KPNA1: variants seen among roughly 807,000 people sequenced by gnomAD.
KPNA1 encodes karyopherin subunit alpha 1, also known as importin subunit alpha-5.
In KPNA1, 10 loss-of-function variants were observed where a neutral mutation model predicts 70.5. The observed-to-expected ratio is 0.14, with a 90% confidence interval of 0.09 to 0.24. KPNA1 has a LOEUF of 0.24. Among genes scored for constraint, KPNA1 ranks in the 10% least tolerant of loss-of-function variants. The pLI, the probability that KPNA1 is intolerant of heterozygous loss-of-function variation, is 1.00. For synonymous variants in KPNA1, 192 were observed against 221.9 expected, an observed-to-expected ratio of 0.87 and a Z score of 1.20; for missense variants, 397 against 637.9, an observed-to-expected ratio of 0.62 and a Z score of 4.07.
intron 2 of KPNA1, among the ~76,000 whole-genome samples, chr3:122,481,100 A>G (rs532579224): frequency 6.6e-6 from 1 of 152,372 alleles, no homozygotes; most frequent in East Asian, 1.9e-4. Context: ...CAGTTCCACA[A>G]AATATTAAAT....
intron 5 of KPNA1, chr3:122,460,071 C>A: frequency 1.0e-6 from 1 of 985,322 alleles, no homozygotes; most frequent in Non-Finnish European, 1.2e-6. Context: ...GAAAGATAAT[C>A]CCATTTTGTG....
chr3:122,436,540 C>T (rs553696815), intron 11 of KPNA1, among the ~76,000 whole-genome samples: 3 of 152,246 alleles, frequency 2.0e-5, no homozygotes, highest in African/African-American at 2.4e-5. Context: ...TTTCTCAGAC[C>T]GGCCGACACT....
intron 1 of KPNA1, among the ~76,000 whole-genome samples, chr3:122,500,509 T>C (rs571884311): frequency 1.3e-4 from 19 of 150,772 alleles, no homozygotes; most frequent in East Asian, 3.9e-4. Flanking sequence ...ATTTTTTTTT[T>C]CCCCCAGATA....
intron 2 of KPNA1, among the ~76,000 whole-genome samples, chr3:122,470,384 C>T (rs1437447671): frequency 2.0e-5 from 3 of 151,764 alleles, no homozygotes; most frequent in South Asian, 2.1e-4. Flanking sequence ...TGGCAGCGGG[C>T]GCCTGTAGTC....
chr3:122,514,207 G>A (rs1196727083), intron 1 of KPNA1, among the ~76,000 whole-genome samples: 3 of 151,914 alleles, frequency 2.0e-5, no homozygotes. Flanking sequence ...GCAGCCGGCC[G>A]TCTCCACCCC....
At chr3:122,450,718 A>G (rs1482640193) in intron 8 of KPNA1, among the ~76,000 whole-genome samples, 5 of 152,240 alleles carry the variant, frequency 3.3e-5, no homozygotes, top group Admixed American at 6.5e-5. Context: ...AACTAAAAGT[A>G]TATCTACCAT....
intron 10 of KPNA1, among the ~76,000 whole-genome samples, chr3:122,441,526 G>T (rs72958418): frequency 2.0e-5 from 3 of 151,948 alleles, no homozygotes; most frequent in Non-Finnish European, 2.9e-5. Context: ...CACTATCATA[G>T]GACAACCCCA....
At chr3:122,450,590 C>CA (rs968708711) in intron 8 of KPNA1, among the ~76,000 whole-genome samples, 4 of 151,648 alleles carry the variant, frequency 2.6e-5, no homozygotes, top group Admixed American at 2.6e-4. Flanking sequence ...CTCAAAAAAC[C>CA]AAAAAACAAA....
At chr3:122,485,690 C>T (rs1188200892) in intron 2 of KPNA1, among the ~76,000 whole-genome samples, 4 of 151,456 alleles carry the variant, frequency 2.6e-5, no homozygotes, top group African/African-American at 4.9e-5. Flanking sequence ...GCAAATAAGC[C>T]GATGAAAAGA....
chr3:122,430,035 A>T (rs141692653), intron 12 of KPNA1, among the ~76,000 whole-genome samples: 66 of 151,912 alleles, frequency 4.3e-4, no homozygotes, highest in Non-Finnish European at 8.7e-4. Flanking sequence ...GCTTGATCTG[A>T]TCCACTGCTG....
chr3:122,449,399 C>A (rs1248798408), intron 9 of KPNA1, among the ~76,000 whole-genome samples, 175 bp downstream of exon 9: 1 of 151,870 alleles, frequency 6.6e-6, no homozygotes, highest in Non-Finnish European at 1.5e-5. Context: ...TCTCTATAAG[C>A]CTCAATAAAA....
intron 6 of KPNA1, among the ~76,000 whole-genome samples, chr3:122,453,335 T>C (rs994588099): frequency 4.6e-5 from 7 of 152,140 alleles, no homozygotes; most frequent in African/African-American, 1.7e-4. Flanking sequence ...GCTTAAAGAA[T>C]GTCAGGTTTG....
intron 1 of KPNA1, among the ~76,000 whole-genome samples, chr3:122,512,874 T>G (rs2076970338): frequency 6.6e-6 from 1 of 152,248 alleles, no homozygotes; most frequent in Admixed American, 6.5e-5. Context: ...CTGCTTCCAT[T>G]TGAACTGCCT....
At chr3:122,509,316 C>T (rs1369629938) in intron 1 of KPNA1, among the ~76,000 whole-genome samples, 1 of 151,888 alleles carries the variant, frequency 6.6e-6, no homozygotes, top group Non-Finnish European at 1.5e-5. Context: ...CTCTCAAGCA[C>T]TCAAGTAGGC....
intron 2 of KPNA1, among the ~76,000 whole-genome samples, chr3:122,478,172 A>AAAAAAAAAAG (rs1553790080): frequency 6.1e-5 from 9 of 148,366 alleles, no homozygotes; most frequent in Non-Finnish European, 1.0e-4. Flanking sequence ...AAAAAAAAAA[A>AAAAAAAAAAG]AAAAGAAAAG....
rs370269467 is a variant in KPNA1, at chr3:122,477,358, A to T, written c.130-9929T>A. Among the ~76,000 whole-genome samples the T allele has an allele frequency of 2.0e-5, 3 of 152,322 alleles. No individual in the cohort carries two copies. The East Asian group carries it at 5.8e-4, about 29-fold the overall frequency. ...AAGTTCAAGAGATCTATTGTACAACATGGTGACTATAGTTCATAACAGTAT... is the reference window on the plus strand; with the variant it reads ...AAGTTCAAGAGATCTATTGTACAACTTGGTGACTATAGTTCATAACAGTAT... On this transcript the variant is annotated intron_variant, in intron 2 of 13. Coordinates refer to ENST00000344337, the MANE Select transcript of KPNA1 (RefSeq NM_002264.4).
chr3:122,450,959 G>A (rs944332304), intron 8 of KPNA1, among the ~76,000 whole-genome samples: 20 of 152,146 alleles, frequency 1.3e-4, no homozygotes, highest in African/African-American at 4.1e-4. Flanking sequence ...ACGCAAAAGC[G>A]TAAGAATGAT....
rs529741379 is a variant in KPNA1, at chr3:122,510,632, T to C, written c.-6+4125A>G. The stretch of plus-strand genomic sequence containing the variant: ...GTGTGCATATGGCAGGTGAGGTGAA[T>C]ATATATGTGAAACACTAAGGAACAT... On this transcript the variant is annotated intron_variant, in intron 1 of 13. Transcript: ENST00000344337. Among the ~76,000 whole-genome samples, 4 of 152,144 alleles carry C rather than the reference T, an allele frequency of 2.6e-5. No homozygotes were observed. The South Asian group carries it at 8.3e-4, about 32-fold the overall frequency.
intron 2 of KPNA1, among the ~76,000 whole-genome samples, chr3:122,495,262 C>CAAAAAAA (rs748751423): frequency 2.3e-5 from 2 of 86,492 alleles, no homozygotes; most frequent in African/African-American, 8.5e-5. Context: ...TCAAACAAAC[C>CAAAAAAA]AAAAAAAAAA....
Sources: gnomAD v4.1 joint callset for allele counts (sites outside exome capture counted in the v4.1 genomes callset) on GRCh38, gnomAD v4.1.1 for gene constraint, MANE v1.5 for transcripts, NCBI Gene and HGNC (gene_info 2026-07-23, HGNC 2026-07-21) for gene names.